TGFBRAP1: variants seen among roughly 807,000 people sequenced by gnomAD.
The protein encoded by TGFBRAP1 is transforming growth factor-beta receptor-associated protein 1.
Under a neutral mutation model 83.2 loss-of-function variants are expected in TGFBRAP1, and 20 were observed. The observed-to-expected ratio is 0.24, with a 90% CI of 0.17 to 0.35. The LOEUF (loss-of-function observed/expected upper bound fraction) is 0.35. Ranked by LOEUF, TGFBRAP1 falls within the 10% of genes least tolerant of loss-of-function variation. The pLI, the probability that TGFBRAP1 is intolerant of heterozygous loss-of-function variation, is 1.00. For synonymous variants in TGFBRAP1, 415 were observed against 459.8 expected, an observed-to-expected ratio of 0.90 and a Z score of 1.25; for missense variants, 950 against 1,099.4, an observed-to-expected ratio of 0.86 and a Z score of 1.92.
rs1226176523 is a variant in TGFBRAP1, at chr2:105,269,677, C to T, written c.2001G>A (p.Met667Ile). Residue 667 changes from methionine (M) to isoleucine (I), a missense_variant, in exon 11 of 12, where the codon ATG becomes ATA. Transcript: ENST00000393359. The surrounding 1 kb of genome is among the most constrained non-coding windows in gnomAD (Gnocchi z 4.1). Reference protein sequence around the residue: ...LERLQGAGLPMESAILHGKLG... With the variant: ...LERLQGAGLPIESAILHGKLG... ...GCTTCCCGTGCAGGATGGCGCTCTC[C>T]ATGGGCAGGCCAGCTCCCTGCAGCC... 1.3e-6 allele frequency: 2 copies of T among 1,565,442 alleles called. No individual in the cohort carries two copies. The highest frequency in any genetic ancestry group is 3.5e-4 in the Middle Eastern group (2 of 5,694).
intron 4 of TGFBRAP1, among the ~76,000 whole-genome samples, chr2:105,287,073 C>T (rs377454115): frequency 5.9e-5 from 9 of 152,174 alleles, no homozygotes; most frequent in African/African-American, 1.7e-4. Flanking sequence ...TTGAGGACAA[C>T]GTGCTCAGTG....
At chr2:105,296,756 C>CTTTTTTTT (rs60031957) in intron 3 of TGFBRAP1, among the ~76,000 whole-genome samples, 11 of 73,214 alleles carry the variant, frequency 1.5e-4, no homozygotes, top group Non-Finnish European at 2.6e-4. Flanking sequence ...CTTTTTTTGC[C>CTTTTTTTT]TTTTTTTTTT....
At chr2:105,272,267 C>A (rs1344748877) in intron 10 of TGFBRAP1, among the ~76,000 whole-genome samples, 1 of 152,204 alleles carries the variant, frequency 6.6e-6, no homozygotes, top group Non-Finnish European at 1.5e-5. Context: ...CAAATGCCCT[C>A]CAAGACACCT....
In TGFBRAP1 at chr2:105,267,250, G is replaced by T; in HGVS notation, c.*133C>A. ...CAGCGAGGAGTCCTTGTTGCGTATG[G>T]ACGGAAGGCTCCCTGGCACCCAGAT... is the stretch of plus-strand genomic sequence containing the variant. On this transcript the variant is annotated 3_prime_UTR_variant, in exon 12 of 12. Coordinates refer to ENST00000393359, the MANE Select transcript of TGFBRAP1 (RefSeq NM_004257.6). 2 of 1,220,120 alleles carry T rather than the reference G, an allele frequency of 1.6e-6. No individual in the cohort carries two copies. Among genetic ancestry groups the T allele is most frequent in the Non-Finnish European group, 2.2e-6 (2 of 889,366 alleles). The allele number at this position is 1,220,120 out of a possible 1,614,324, so 75.6% of individuals were successfully genotyped here.
the TGFBRAP1 span, among the ~76,000 whole-genome samples, chr2:105,250,713 G>A: frequency 2.0e-5 from 3 of 151,764 alleles, no homozygotes; most frequent in Admixed American, 2.0e-4. Flanking sequence ...AGCCAAAGCT[G>A]GACTGTACTG....
chr2:105,310,700 C>T, intron 1 of TGFBRAP1, among the ~76,000 whole-genome samples: 1 of 152,142 alleles, frequency 6.6e-6, no homozygotes, highest in Non-Finnish European at 1.5e-5. Flanking sequence ...TTTGTCCCAA[C>T]CAAACATAAC....
chr2:105,296,499 C>T lies in TGFBRAP1; in HGVS notation c.895G>A (p.Val299Ile), dbSNP rs151031175. The change falls in exon 4 of 12, where the codon GTT (valine) becomes ATT (isoleucine). Residue 299 changes from valine (V) to isoleucine (I), a missense_variant. Physicochemically the swap from Val to Ile is conservative, Grantham distance 29. Coordinates refer to ENST00000393359, the MANE Select transcript of TGFBRAP1 (RefSeq NM_004257.6). ...ATGTAAACTCCTTTACTTGTGGCAACGATCACTCTTCCTGTGAAGAAATTC... is the reference window on the plus strand; with the variant it reads ...ATGTAAACTCCTTTACTTGTGGCAATGATCACTCTTCCTGTGAAGAAATTC... ...ILQDFEGRVI[V>I]ATSKGVYILV... The T allele has an allele frequency of 1.9e-5, 30 of 1,611,320 alleles. No individual in the cohort carries two copies. The East Asian group carries it at 2.2e-4, about 12-fold the overall frequency.
the TGFBRAP1 span, among the ~76,000 whole-genome samples, chr2:105,256,965 C>T: frequency 7.9e-5 from 12 of 152,322 alleles, no homozygotes; most frequent in African/African-American, 2.6e-4. Context: ...CTTACAAATG[C>T]CATGGCAACG....
chr2:105,250,262 G>A, the TGFBRAP1 span, among the ~76,000 whole-genome samples: 3 of 152,278 alleles, frequency 2.0e-5, no homozygotes, highest in Admixed American at 6.5e-5. Context: ...TGATATGCAA[G>A]TTCAGCCTCC....
At chr2:105,283,676 G>T (rs1370301814) in intron 5 of TGFBRAP1, among the ~76,000 whole-genome samples, 2 of 152,252 alleles carry the variant, frequency 1.3e-5, no homozygotes, top group Non-Finnish European at 2.9e-5. Context: ...TGGGACAAGG[G>T]CAGCTGGAGG....
chr2:105,286,665 G>T (rs1677730442), intron 4 of TGFBRAP1, among the ~76,000 whole-genome samples: 1 of 152,214 alleles, frequency 6.6e-6, no homozygotes, highest in Admixed American at 6.5e-5. Flanking sequence ...GCCACTCTAT[G>T]TCTACTCTGT....
At chr2:105,300,169 T>C (rs898359355) in intron 2 of TGFBRAP1, among the ~76,000 whole-genome samples, 2 of 152,152 alleles carry the variant, frequency 1.3e-5, no homozygotes, top group African/African-American at 4.8e-5. Context: ...TAGGACAGGG[T>C]TTAAGACTAT....
chr2:105,263,852 C>CTCCA (rs1324783025), downstream of TGFBRAP1, among the ~76,000 whole-genome samples: 4 of 152,158 alleles, frequency 2.6e-5, no homozygotes, highest in Non-Finnish European at 4.4e-5. Context: ...CACCATTGCA[C>CTCCA]TCCAGCATAG....
intron 6 of TGFBRAP1, among the ~76,000 whole-genome samples, chr2:105,279,269 G>GT (rs1017481060): frequency 1.3e-5 from 2 of 151,736 alleles, no homozygotes; most frequent in African/African-American, 4.8e-5. Flanking sequence ...AGAGTTTTTT[G>GT]TTTTTTTGAG....
intron 6 of TGFBRAP1, among the ~76,000 whole-genome samples, chr2:105,278,068 ATGTGTGTGTGTG>A (rs56983977): frequency 0.052 from 7,633 of 145,502 alleles, 493 homozygotes; most frequent in African/African-American, 0.16. Context: ...CAAAAAATAT[ATGTGTGTGTGTG>A]TGTGTGTGTG....
intron 3 of TGFBRAP1, 150 bp from the exon 4 acceptor site, chr2:105,296,660 T>C: frequency 1.2e-6 from 1 of 859,332 alleles, no homozygotes; most frequent in Non-Finnish European, 1.6e-6. Context: ...TTATAAATTA[T>C]AATGCTTTTC....
chr2:105,265,762 A>G lies in TGFBRAP1; in HGVS notation c.*1621T>C, dbSNP rs1442697386. 6.6e-6 allele frequency: 1 copy of G among 152,320 alleles called. No homozygotes were observed. Among genetic ancestry groups the G allele is most frequent in the African/African-American group, 2.4e-5 (1 of 41,454 alleles). The allele number at this position is 152,320 out of a possible 1,614,324, so 9.4% of individuals were successfully genotyped here. A position where few individuals can be genotyped will look rare whatever the true frequency, so the allele number is the denominator to read the frequency against. On this transcript the variant is annotated 3_prime_UTR_variant, in exon 12 of 12. Transcript: ENST00000393359. ...CATTTATTCTTTAGTTAATTGAAAC[A>G]TAGTCAGGAAAAAATGGTGCCAATT...
chr2:105,294,976 C>T (rs145818893), intron 4 of TGFBRAP1, among the ~76,000 whole-genome samples: 3 of 152,302 alleles, frequency 2.0e-5, no homozygotes, highest in East Asian at 3.9e-4. Flanking sequence ...GCTGAGAGCA[C>T]ATGCGGCAGT....
chr2:105,281,520 C>T (rs1677537281), intron 5 of TGFBRAP1, among the ~76,000 whole-genome samples: 1 of 152,212 alleles, frequency 6.6e-6, no homozygotes, highest in Non-Finnish European at 1.5e-5. Context: ...AAGCTCTGAT[C>T]AGCTGTCCTC....
Sources: allele counts gnomAD v4.1 joint callset (sites outside exome capture counted in the v4.1 genomes callset), GRCh38; gene constraint gnomAD v4.1.1; non-coding constraint Gnocchi (gnomAD v3.1); transcripts MANE v1.5; gene names NCBI Gene and HGNC (gene_info 2026-07-23, HGNC 2026-07-21).